STAG1: variants seen among roughly 807,000 people sequenced by gnomAD.
The protein encoded by STAG1 is STAG1 cohesin complex component.
STAG1 carries 26 observed loss-of-function variants against 170.9 expected under a neutral mutation model. The ratio of observed to expected loss-of-function variants is 0.15; its 90% CI spans 0.11 to 0.21. The LOEUF (loss-of-function observed/expected upper bound fraction) is 0.21. STAG1 is among the 10% of genes least tolerant of loss of function. The pLI, the probability that STAG1 is intolerant of heterozygous loss-of-function variation, is 1.00. For missense variants in STAG1, 964 were observed against 1,509.5 expected (o/e 0.64, Z 5.99); for synonymous variants, 514 against 497.7 (o/e 1.03, Z -0.44).
chr3:136,717,989 G>A (rs927886494), intron 1 of STAG1, among the ~76,000 whole-genome samples: 4 of 152,068 alleles, frequency 2.6e-5, no homozygotes. Context: ...TCTGATAGAA[G>A]GGGAGGAAAG....
intron 1 of STAG1, among the ~76,000 whole-genome samples, chr3:136,632,732 G>C (rs952315185): frequency 1.3e-5 from 2 of 152,090 alleles, no homozygotes; most frequent in African/African-American, 4.8e-5. Flanking sequence ...TAAAAGCATG[G>C]TCAGAGGAGG....
intron 6 of STAG1, among the ~76,000 whole-genome samples, chr3:136,541,582 A>ACACACACC (rs1283802944): frequency 1.3e-4 from 20 of 150,178 alleles, no homozygotes; most frequent in African/African-American, 4.7e-4. Flanking sequence ...ACACACACAC[A>ACACACACC]CACCAGGGGT....
intron 7 of STAG1, among the ~76,000 whole-genome samples, chr3:136,507,846 A>T (rs1933847756): frequency 6.6e-6 from 1 of 152,202 alleles, no homozygotes; most frequent in African/African-American, 2.4e-5. Context: ...GCTTTCTAAA[A>T]TCACCAGGAC....
At position 136,433,658 on chromosome 3, in the gene STAG1, T is replaced by C. The variant is rs775043353; in HGVS notation, c.1548A>G (p.Ala516=). 3.1e-6 allele frequency: 5 copies of C among 1,609,132 alleles called. No individual in the cohort carries two copies. In the South Asian group the frequency reaches 4.4e-5, roughly 14 times the overall value. Residue 516 remains alanine, a splice_region_variant and synonymous_variant, in exon 16 of 34, where the codon GCA becomes GCG. Transcript: ENST00000383202. ...LLEEPVQGEE[A]MSDRQESALI... ...GAGCACTCTCTTGACGATCAGACAT[T>C]GCTAAGGTAAAACAAAATACATGAG...
In STAG1 at chr3:136,478,622, ACTTTT is replaced by A. The variant is rs1250758172; in HGVS notation, c.903-1215_903-1211del. 2.6e-5 allele frequency among the ~76,000 whole-genome samples: 4 copies of A among 152,308 alleles called. No individual in the cohort carries two copies. The South Asian group carries it at 6.2e-4, about 24-fold the overall frequency. On this transcript the variant is annotated intron_variant, in intron 9 of 33. Transcript: ENST00000383202. The stretch of plus-strand genomic sequence containing the variant: ...CTAAAATTTTAATGATAATTAAGGC[ACTTTT>A]CTTAGTTTCTCTTTGGTGACAAAAT...
chr3:136,587,849 C>T (rs529367729), intron 4 of STAG1, among the ~76,000 whole-genome samples: 13 of 152,234 alleles, frequency 8.5e-5, no homozygotes, highest in Non-Finnish European at 1.8e-4. Flanking sequence ...GTAATCCCTG[C>T]TCCTCGCAAG....
At chr3:136,418,388 A>C (rs2087840663) in intron 20 of STAG1, among the ~76,000 whole-genome samples, 1 of 139,944 alleles carries the variant, frequency 7.1e-6, no homozygotes, top group Admixed American at 7.0e-5. Flanking sequence ...AAAAAAAAAA[A>C]AAAAAAAAAA....
chr3:136,439,194 CAAAAAAAAAAAAAAAAAAACCCATA>C (rs2088553259), intron 15 of STAG1, among the ~76,000 whole-genome samples: 1 of 63,644 alleles, frequency 1.6e-5, no homozygotes, highest in African/African-American at 6.6e-5. Flanking sequence ...GACCCAGACT[CAAAAAAAAAAAAAAAAAAACCCATA>C]AAAAAAAAAA....
chr3:136,469,698 C>G (rs2107807963), intron 12 of STAG1, among the ~76,000 whole-genome samples: 1 of 152,288 alleles, frequency 6.6e-6, no homozygotes, highest in African/African-American at 2.4e-5. Flanking sequence ...GCCAAAAGAA[C>G]AAAGCTGGAG....
intron 9 of STAG1, among the ~76,000 whole-genome samples, chr3:136,479,204 T>C (rs1414324051): frequency 2.7e-5 from 4 of 146,380 alleles, no homozygotes; most frequent in East Asian, 2.1e-4. Context: ...ATTAGGTATA[T>C]CTCCCAATGC....
chr3:136,428,350 G>A (rs755523632), intron 16 of STAG1, among the ~76,000 whole-genome samples: 1 of 152,132 alleles, frequency 6.6e-6, no homozygotes, highest in Non-Finnish European at 1.5e-5. Context: ...TTACACTGAC[G>A]CTGTAAAGTC....
intron 1 of STAG1, among the ~76,000 whole-genome samples, chr3:136,674,154 A>G (rs71336072): frequency 0.061 from 791 of 13,056 alleles, 18 homozygotes; most frequent in African/African-American, 0.23. Flanking sequence ...AGGGAGGGAG[A>G]GAGGGAGGGA....
chr3:136,619,825 G>A (rs1416014416), intron 3 of STAG1, among the ~76,000 whole-genome samples: 1 of 151,132 alleles, frequency 6.6e-6, no homozygotes, highest in African/African-American at 2.4e-5. Flanking sequence ...CAGCACTTTG[G>A]GAGGCTGAGG....
chr3:136,575,249 G>C (rs551533067), intron 4 of STAG1, among the ~76,000 whole-genome samples: 75 of 152,206 alleles, frequency 4.9e-4, no homozygotes, highest in Non-Finnish European at 3.2e-4. Context: ...CTCTGAGACA[G>C]GGTCTCACTC....
At chr3:136,507,411 T>C (rs1933820431) in intron 7 of STAG1, among the ~76,000 whole-genome samples, 1 of 152,174 alleles carries the variant, frequency 6.6e-6, no homozygotes, top group African/African-American at 2.4e-5. Flanking sequence ...TCACTCAGAA[T>C]AGAGCACAGT....
intron 21 of STAG1, among the ~76,000 whole-genome samples, chr3:136,399,442 G>GT (rs2087254991): frequency 6.6e-6 from 1 of 152,062 alleles, no homozygotes; most frequent in Admixed American, 6.6e-5. Flanking sequence ...TGCATTCCTA[G>GT]TTTTTTACGC....
chr3:136,543,554 A>G (rs1936005661), intron 5 of STAG1, among the ~76,000 whole-genome samples: 2 of 152,202 alleles, frequency 1.3e-5, no homozygotes, highest in African/African-American at 4.8e-5. Context: ...TAGAAGCCTC[A>G]GGAAATAAGT....
intron 7 of STAG1, among the ~76,000 whole-genome samples, chr3:136,517,678 G>A (rs1333596107): frequency 2.0e-5 from 3 of 151,762 alleles, no homozygotes; most frequent in African/African-American, 7.3e-5. Context: ...AAATAAAAAA[G>A]TTCCCAGTCT....
intron 6 of STAG1, 35 bp from the exon 7 acceptor site, chr3:136,521,452 A>G: frequency 1.9e-6 from 3 of 1,587,672 alleles, no homozygotes; most frequent in Non-Finnish European, 2.6e-6. Flanking sequence ...TAAGTATGTC[A>G]CATTACAGAG....
Sources: gnomAD v4.1 joint callset for allele counts (sites outside exome capture counted in the v4.1 genomes callset) on GRCh38, gnomAD v4.1.1 for gene constraint, MANE v1.5 for transcripts, NCBI Gene and HGNC (gene_info 2026-07-23, HGNC 2026-07-21) for gene names.